TTL: variants seen among roughly 807,000 people sequenced by gnomAD.
TTL encodes tubulin--tyrosine ligase.
A neutral mutation model predicts 41.1 loss-of-function variants in TTL; 10 were observed. The ratio of observed to expected loss-of-function variants is 0.24; its 90% confidence interval spans 0.15 to 0.41. TTL has a LOEUF of 0.41. TTL is among the 10% of genes least tolerant of loss of function. The pLI is 1.00. For synonymous variants in TTL, 175 were observed against 175.5 expected, an observed-to-expected ratio of 1.00 and a Z score of 0.02; for missense variants, 367 against 460.4, an observed-to-expected ratio of 0.80 and a Z score of 1.86.
chr2:112,491,867 T>C (rs1455779934), intron 2 of TTL, among the ~76,000 whole-genome samples: 1 of 151,480 alleles, frequency 6.6e-6, no homozygotes, highest in Non-Finnish European at 1.5e-5. Flanking sequence ...CTTTCAGTTC[T>C]TTTTTTTTAA....
intron 2 of TTL, among the ~76,000 whole-genome samples, chr2:112,487,990 C>T (rs548245207): frequency 1.3e-5 from 2 of 152,284 alleles, no homozygotes; most frequent in African/African-American, 4.8e-5. Flanking sequence ...TCCTGTTAAA[C>T]CAGGACAGTT....
intron 6 of TTL, among the ~76,000 whole-genome samples, chr2:112,523,023 A>G (rs1682283561): frequency 6.6e-6 from 1 of 152,064 alleles, no homozygotes; most frequent in Non-Finnish European, 1.5e-5. Flanking sequence ...CTAGGACACA[A>G]ACCAGACTCC....
chr2:112,520,210 C>A, intron 5 of TTL, 72 bp from the exon 6 acceptor site: 2 of 1,520,912 alleles, frequency 1.3e-6, no homozygotes, highest in East Asian at 2.4e-5. Flanking sequence ...TAAAATCTTT[C>A]AAGCACACCT....
intron 3 of TTL, among the ~76,000 whole-genome samples, chr2:112,496,681 GT>G (rs1681536518): frequency 7.2e-6 from 1 of 137,940 alleles, no homozygotes; most frequent in Admixed American, 7.5e-5. Flanking sequence ...GTGTGTGTGT[GT>G]GTGTGTGTGT....
At chr2:112,494,523 C>T (rs532539295) in intron 3 of TTL, 148 bp downstream of exon 3, 2 of 649,690 alleles carry the variant, frequency 3.1e-6, no homozygotes, top group South Asian at 2.0e-5. Context: ...TGTACTGATG[C>T]CTTCTAAATG....
chr2:112,484,212 T>A (rs1029061525), intron 1 of TTL, among the ~76,000 whole-genome samples: 6 of 151,624 alleles, frequency 4.0e-5, no homozygotes, highest in African/African-American at 1.2e-4. Flanking sequence ...TCAGTAAACG[T>A]TTGAGCTTTT....
At chr2:112,514,945 CCTTT>C (rs1406238289) in intron 5 of TTL, among the ~76,000 whole-genome samples, 4 of 152,094 alleles carry the variant, frequency 2.6e-5, no homozygotes, top group Non-Finnish European at 5.9e-5. Flanking sequence ...GTTTGCTAAT[CCTTT>C]CTTTATCTAT....
At chr2:112,494,557 C>T (rs541934285) in intron 3 of TTL, among the ~76,000 whole-genome samples, 182 bp downstream of exon 3, 1 of 152,180 alleles carries the variant, frequency 6.6e-6, no homozygotes, top group Non-Finnish European at 1.5e-5. Flanking sequence ...TGGTCTTTTC[C>T]TTTAAGCTCT....
At chr2:112,507,818 A>C (rs1681831741) in intron 5 of TTL, among the ~76,000 whole-genome samples, 1 of 143,178 alleles carries the variant, frequency 7.0e-6, no homozygotes, top group African/African-American at 2.7e-5. Flanking sequence ...ATTTATATTT[A>C]AAGTTAATAT....
At position 112,535,538 on chromosome 2, in the gene TTL, A is replaced by G. The variant is rs1463929591; in HGVS notation, c.*6743A>G. 6.6e-6 allele frequency: 1 copy of G among 151,928 alleles called. No individual in the cohort carries two copies. Among genetic ancestry groups the G allele is most frequent in the Non-Finnish European group, 1.5e-5 (1 of 68,038 alleles). The allele number at this position is 151,928 out of a possible 1,614,324, so 9.4% of individuals were successfully genotyped here. On this transcript the variant is annotated 3_prime_UTR_variant, in exon 7 of 7. Transcript: ENST00000233336. ...ACTAAGTAAATAATTTTAAATATAT[A>G]GTAAAAAATGACAAGGAAACAGAAA...
chr2:112,484,203 C>T (rs899571057), intron 1 of TTL, among the ~76,000 whole-genome samples: 1 of 150,676 alleles, frequency 6.6e-6, no homozygotes, highest in East Asian at 1.9e-4. Context: ...AGGAGATGAT[C>T]AGTAAACGTT....
rs565179438 is a variant in TTL at position 112,519,245 on chromosome 2, A to G, written c.876-1037A>G. ...ATGAAAAATTGTTCATAACAGTAAC[A>G]TTTATTAAAATGCTTCCTAGGTGCC... On this transcript the variant is annotated intron_variant, in intron 5 of 6. Transcript: ENST00000233336. Among the ~76,000 whole-genome samples the G allele has an allele frequency of 2.6e-3, 397 of 152,330 alleles. 2 individuals carry two copies. The highest frequency in any genetic ancestry group is 0.014 in the Middle Eastern group (4 of 294).
chr2:112,488,483 C>T (rs182495186), intron 2 of TTL, among the ~76,000 whole-genome samples: 74 of 152,266 alleles, frequency 4.9e-4, no homozygotes, highest in African/African-American at 1.6e-3. Flanking sequence ...GCAAGCCGGG[C>T]GTGGTGGCTC....
intron 5 of TTL, among the ~76,000 whole-genome samples, chr2:112,517,540 T>G (rs551716039): frequency 1.3e-5 from 2 of 151,962 alleles, no homozygotes; most frequent in Admixed American, 6.6e-5. Context: ...TGAGCCACTG[T>G]GTCCAGCCCC....
In TTL at chr2:112,482,410, C is replaced by A. The variant is rs1252079410; in HGVS notation, c.66C>A (p.Leu22=). Residue 22 remains leucine, a synonymous_variant, in exon 1 of 7, where the codon CTC becomes CTA. Coordinates refer to ENST00000233336, the MANE Select transcript of TTL (RefSeq NM_153712.5). This position sits in a 1 kb window ranked among gnomAD's most constrained non-coding sequence, Gnocchi z 5.3. ...ACGCCGAGGTCTCCCGGCTGCTCCT[C>A]GCCACCGGCCACTGGAAGAGGCTGC... ...SVYAEVSRLL[L]ATGHWKRLRR... 1 of 1,606,168 alleles carries A rather than the reference C, an allele frequency of 6.2e-7. No homozygotes were observed. The highest frequency in any genetic ancestry group is 1.1e-5 in the South Asian group (1 of 89,496).
chr2:112,529,082 G>A lies in TTL; in HGVS notation c.*287G>A, dbSNP rs964538739. Reference sequence around the variant, plus strand: ...GCTCCTTCCCCTCTCCCCGGGAACGGCAGGGCACTGGGACCTCTGGTCGGT... The same window carrying A: ...GCTCCTTCCCCTCTCCCCGGGAACGACAGGGCACTGGGACCTCTGGTCGGT... On this transcript the variant is annotated 3_prime_UTR_variant, in exon 7 of 7. Transcript: ENST00000233336. 9.5e-5 allele frequency: 45 copies of A among 474,208 alleles called. No homozygotes were observed. The Admixed American group carries it at 1.6e-3, about 16-fold the overall frequency. The allele number at this position is 474,208 out of a possible 1,614,324, so 29.4% of individuals were successfully genotyped here.
At chr2:112,500,235 G>A (rs201305942) in intron 3 of TTL, among the ~76,000 whole-genome samples, 23,778 of 139,458 alleles carry the variant, frequency 0.17, 2,153 homozygotes, top group East Asian at 0.32. Context: ...CTGCTAATAG[G>A]TACAAGAGTT....
rs115292332 is a variant in TTL at position 112,498,570 on chromosome 2, T to C, written c.470-2636T>C. Among the ~76,000 whole-genome samples, 284 of 152,316 alleles carry C rather than the reference T, an allele frequency of 1.9e-3. 1 individual carries two copies. Among genetic ancestry groups the C allele is most frequent in the African/African-American group, 6.4e-3 (268 of 41,584 alleles). Reference sequence around the variant, plus strand: ...GGTTTATGTAGTTCTTATCAAAATGTTAGCAACATTTTTGTATAGACATGG... The same window carrying C: ...GGTTTATGTAGTTCTTATCAAAATGCTAGCAACATTTTTGTATAGACATGG... On this transcript the variant is annotated intron_variant, in intron 3 of 6. Transcript: ENST00000233336.
chr2:112,509,345 A>G (rs1245406101), intron 5 of TTL, among the ~76,000 whole-genome samples: 1 of 151,656 alleles, frequency 6.6e-6, no homozygotes, highest in African/African-American at 2.4e-5. Flanking sequence ...GGCTCCACCC[A>G]GTTCGAGCTT....
Sources: allele counts gnomAD v4.1 joint callset (sites outside exome capture counted in the v4.1 genomes callset), GRCh38; gene constraint gnomAD v4.1.1; non-coding constraint Gnocchi (gnomAD v3.1); transcripts MANE v1.5; gene names NCBI Gene and HGNC (gene_info 2026-07-23, HGNC 2026-07-21).